Variants in GRID2IP observed in about 807,000 individuals in gnomAD.
GRID2IP encodes the protein Grid2 interacting protein, also known as delphilin.
In GRID2IP, 78 loss-of-function variants were observed where a neutral mutation model predicts 114.3. That is an observed-to-expected ratio of 0.68 (90% CI 0.57 to 0.82). GRID2IP has a LOEUF of 0.82. Among genes scored for constraint, GRID2IP ranks in the 40% least tolerant of loss-of-function variants. The probability of loss-of-function intolerance (pLI) is 0.00; values close to 1 mark genes in which losing one functional copy is unlikely to be tolerated. For missense variants in GRID2IP, 1,727 were observed against 1,678.5 expected (o/e 1.03, Z -0.51); for synonymous variants, 809 against 724.0 (o/e 1.12, Z -1.89).
chr7:6,525,618 A>G (rs1277862320), intron 4 of GRID2IP, among the ~76,000 whole-genome samples: 1 of 152,188 alleles, frequency 6.6e-6, no homozygotes, highest in African/African-American at 2.4e-5. Context: ...TGGGTGACAG[A>G]GCGAGACACT....
Position 6,504,834 on chromosome 7 carries a change from T to A in GRID2IP, c.2669A>T (p.Glu890Val), listed in dbSNP as rs895603526. 8 of 1,551,358 alleles carry A rather than the reference T, an allele frequency of 5.2e-6. No homozygotes were observed. The highest frequency in any genetic ancestry group is 7.0e-6 in the Non-Finnish European group (8 of 1,146,840). The change falls in exon 15 of 22, where the codon GAG becomes GTG. Residue 890 changes from glutamate to valine, a missense_variant. By Grantham distance (121) the Glu-to-Val change is moderately radical (BLOSUM62 -2). Transcript: ENST00000457091. ...VPGPEPFRKK[E>V]VVEILSHKKA... is the part of the protein sequence containing the mutation. ...CTTATGGGACAGGATCTCCACCACC[T>A]CCTTCTTCCGGAAGGGCTCCGGCCC... is the stretch of plus-strand genomic sequence containing the variant.
Position 6,521,510 on chromosome 7 carries a change from C to G in GRID2IP, c.1003G>C (p.Asp335His). ...CCCTGCAGCATGGACACCACCTTGT[C>G]GTGGGAGCAGTTCCTGCCAAGCAGA... is the stretch of plus-strand genomic sequence containing the variant. Reference protein sequence around the residue: ...NGLDMRNCSHDKVVSMLQGSG... With the variant: ...NGLDMRNCSHHKVVSMLQGSG... Residue 335 changes from aspartate (D) to histidine (H), a missense_variant, in exon 6 of 22, where the codon GAC (aspartate) becomes CAC (histidine). Asp to His is a moderately conservative substitution (Grantham distance 81). Coordinates refer to ENST00000457091, the MANE Select transcript of GRID2IP (RefSeq NM_001145118.2). The surrounding 1 kb of genome is among the most constrained non-coding windows in gnomAD (Gnocchi z 4.1). The G allele has an allele frequency of 6.5e-7, 1 of 1,547,550 alleles. No homozygotes were observed. The highest frequency in any genetic ancestry group is 8.7e-7 in the Non-Finnish European group (1 of 1,144,994).
chr7:6,515,592 A>G (rs572233086), intron 7 of GRID2IP, among the ~76,000 whole-genome samples: 2 of 151,908 alleles, frequency 1.3e-5, no homozygotes, highest in Non-Finnish European at 2.9e-5. Flanking sequence ...AGCTTAGCCA[A>G]CATGGTAAAC....
In GRID2IP at chr7:6,528,244, G is replaced by GT. The variant is rs1205162774; in HGVS notation, c.585-1476dup. Among the ~76,000 whole-genome samples, 5 of 152,270 alleles carry GT rather than the reference G, an allele frequency of 3.3e-5. No homozygotes were observed. The highest frequency in any genetic ancestry group is 1.3e-4 in the Admixed American group (2 of 15,290). On this transcript the variant is annotated intron_variant, in intron 2 of 21. Transcript: ENST00000457091. The surrounding 1 kb of genome is among the most constrained non-coding windows in gnomAD (Gnocchi z 6.0). ...GTCTATAGTTCAATCCTGAGCCACA[G>GT]TGACTAGCCAGGGCTCAGCACATAG...
At chr7:6,505,745 TG>T in intron 14 of GRID2IP, 74 bp downstream of exon 14, 1 of 914,100 alleles carries the variant, frequency 1.1e-6, no homozygotes, top group Non-Finnish European at 1.8e-6. Flanking sequence ...AGTGCAGCCC[TG>T]GGAGATGCTA....
chr7:6,520,739 G>A lies in GRID2IP; in HGVS notation c.1107C>T (p.Pro369=), dbSNP rs1779396332. 1 of 1,551,318 alleles carries A rather than the reference G, an allele frequency of 6.4e-7. No individual in the cohort carries two copies. Among genetic ancestry groups the A allele is most frequent in the African/African-American group, 1.4e-5 (1 of 73,052 alleles). ...FASDSDSLDS[P]NPSSALTSLQ... is the part of the protein sequence containing the mutation. Reference sequence around the variant, plus strand: ...GGGAGGTGAGCGCCGACGACGGGTTGGGTGAGTCCAGAGAATCGGAGTCTG... The same window carrying A: ...GGGAGGTGAGCGCCGACGACGGGTTAGGTGAGTCCAGAGAATCGGAGTCTG... Residue 369 remains proline (P), a synonymous_variant, in exon 7 of 22, where the codon CCC becomes CCT. Transcript: ENST00000457091. This position sits in a 1 kb window ranked among gnomAD's most constrained non-coding sequence, Gnocchi z 4.6.
chr7:6,505,045 G>A (rs920551092), intron 14 of GRID2IP, among the ~76,000 whole-genome samples, 175 bp from the exon 15 acceptor site: 14 of 152,158 alleles, frequency 9.2e-5, no homozygotes, highest in African/African-American at 3.4e-4. Context: ...CAGGTCCTGT[G>A]TGTAACCTCC....
chr7:6,520,912 G>A lies in GRID2IP; in HGVS notation c.1085-151C>T, dbSNP rs1003563224. Among the ~76,000 whole-genome samples the A allele has an allele frequency of 3.3e-5, 5 of 152,312 alleles. No homozygotes were observed. Among genetic ancestry groups the A allele is most frequent in the Non-Finnish European group, 2.9e-5 (2 of 68,024 alleles). On this transcript the variant is annotated intron_variant, in intron 6 of 21. Transcript: ENST00000457091. The surrounding 1 kb of genome is among the most constrained non-coding windows in gnomAD (Gnocchi z 4.6). ...GAAGGCATGCCTGTGGCCCGACACC[G>A]GGGCCAAGGATAGAGGGAGTCAGCC...
chr7:6,497,975 C>T, intron 21 of GRID2IP, 89 bp downstream of exon 21: 15 of 1,438,560 alleles, frequency 1.0e-5, no homozygotes, highest in Non-Finnish European at 1.4e-5. Flanking sequence ...GAGCCCCTTT[C>T]CCAGCCCTGG....
chr7:6,541,631 CA>C (rs758741528), intron 1 of GRID2IP, among the ~76,000 whole-genome samples: 2 of 152,058 alleles, frequency 1.3e-5, no homozygotes, highest in Non-Finnish European at 2.9e-5. Flanking sequence ...AAGGAGCATG[CA>C]AATAGACATG....
rs1055940564 is a variant in GRID2IP at position 6,516,349 on chromosome 7, T to C, written c.1269-1820A>G. 1.3e-5 allele frequency among the ~76,000 whole-genome samples: 2 copies of C among 152,146 alleles called. No homozygotes were observed. The highest frequency in any genetic ancestry group is 2.4e-5 in the African/African-American group (1 of 41,424). ...ATGAATATTATTAATAATTAGTTTG[T>C]AGCATTACTGTTTATTCCAATATTA... On this transcript the variant is annotated intron_variant, in intron 7 of 21. Transcript: ENST00000457091. This position sits in a 1 kb window ranked among gnomAD's most constrained non-coding sequence, Gnocchi z 4.3.
In GRID2IP at chr7:6,551,243, A is replaced by T. The variant is rs1377005326; in HGVS notation, c.194T>A (p.Leu65His). The change falls in exon 1 of 22, where the codon CTC (leucine) becomes CAC (histidine). Residue 65 changes from leucine to histidine, a missense_variant. Coordinates refer to ENST00000457091, the MANE Select transcript of GRID2IP (RefSeq NM_001145118.2). ...LAVGGLSRER[L>H]VRLARRCPRV... Reference sequence around the variant, plus strand: ...TGGGCAGCGCCGTGCCAGGCGCACGAGGCGCTCGCGGCTCAGACCGCCCAC... The same window carrying T: ...TGGGCAGCGCCGTGCCAGGCGCACGTGGCGCTCGCGGCTCAGACCGCCCAC... The T allele has an allele frequency of 2.0e-6, 3 of 1,531,306 alleles. No homozygotes were observed. The highest frequency in any genetic ancestry group is 2.6e-6 in the Non-Finnish European group (3 of 1,144,348). 94.9% of individuals were successfully genotyped at this position (1,531,306 alleles called of 1,614,324 possible). A position where few individuals can be genotyped will look rare whatever the true frequency, so the allele number is the denominator to read the frequency against.
rs1786600434 is a variant in GRID2IP, at chr7:6,506,679, GTATTT to G, written c.2545-777_2545-773del. 7.9e-6 allele frequency among the ~76,000 whole-genome samples: 1 copy of G among 127,294 alleles called. No homozygotes were observed. The highest frequency in any genetic ancestry group is 1.7e-5 in the Non-Finnish European group (1 of 59,154). The allele number at this position is 127,294 out of a possible 152,430, so 83.5% of individuals were successfully genotyped here. ...TTATTTGTGCCCTTGTCTCACTGAG[GTATTT>G]TTTTTTTTTTTTTTTTAGATAGGGT... On this transcript the variant is annotated intron_variant, in intron 13 of 21. Coordinates refer to ENST00000457091, the MANE Select transcript of GRID2IP (RefSeq NM_001145118.2). This position sits in a 1 kb window ranked among gnomAD's most constrained non-coding sequence, Gnocchi z 5.2.
At chr7:6,504,413 G>C (rs1052450546) in intron 15 of GRID2IP, among the ~76,000 whole-genome samples, 1 of 151,982 alleles carries the variant, frequency 6.6e-6, no homozygotes, top group Non-Finnish European at 1.5e-5. Flanking sequence ...GGGCAGGGGC[G>C]GGCCCTGAAA....
Position 6,520,638 on chromosome 7 carries a change from A to G in GRID2IP, c.1208T>C (p.Leu403Pro), listed in dbSNP as rs1369556943. Residue 403 changes from leucine (L) to proline (P), a missense_variant, in exon 7 of 22, where the codon CTA (leucine) becomes CCA (proline). Leu to Pro is a moderately conservative substitution (Grantham distance 98). Coordinates refer to ENST00000457091, the MANE Select transcript of GRID2IP (RefSeq NM_001145118.2). The surrounding 1 kb of genome is among the most constrained non-coding windows in gnomAD (Gnocchi z 4.6). ...CCCATAGCGCTCAGGAGGTGTGAGT[A>G]GGTGCTCCAGCTGCTGGCTGAAGGT... ...GRTFSQQLEH[L>P]LTPPERYGVC... 6.4e-7 allele frequency: 1 copy of G among 1,551,712 alleles called. No homozygotes were observed. Among genetic ancestry groups the G allele is most frequent in the East Asian group, 2.4e-5 (1 of 40,920 alleles).
intron 1 of GRID2IP, among the ~76,000 whole-genome samples, chr7:6,543,958 G>T (rs1436694425): frequency 6.6e-6 from 1 of 151,774 alleles, no homozygotes; most frequent in South Asian, 2.1e-4. Context: ...CACCACGCCC[G>T]GCTCATTTTG....
At chr7:6,545,828 C>G (rs1455865406) in intron 1 of GRID2IP, among the ~76,000 whole-genome samples, 1 of 152,162 alleles carries the variant, frequency 6.6e-6, no homozygotes, top group African/African-American at 2.4e-5. Context: ...GTGGGCCAGG[C>G]TGGCAGCACC....
rs994387676 is a variant in GRID2IP, at chr7:6,520,620, C to T, written c.1226G>A (p.Arg409His). The change falls in exon 7 of 22, where the codon CGC becomes CAC. Residue 409 changes from arginine to histidine, a missense_variant. Coordinates refer to ENST00000457091, the MANE Select transcript of GRID2IP (RefSeq NM_001145118.2). The surrounding 1 kb of genome is among the most constrained non-coding windows in gnomAD (Gnocchi z 4.6). ...CTCGAGGGCCCGGCAGACCCCATAG[C>T]GCTCAGGAGGTGTGAGTAGGTGCTC... ...QLEHLLTPPE[R>H]YGVCRALESF... 10 of 1,551,580 alleles carry T rather than the reference C, an allele frequency of 6.4e-6. No individual in the cohort carries two copies. The African/African-American group carries it at 6.8e-5, about 11-fold the overall frequency.
chr7:6,550,974 C>CCT, intron 1 of GRID2IP, 34 bp downstream of exon 1: 7 of 1,139,126 alleles, frequency 6.1e-6, no homozygotes, highest in African/African-American at 1.6e-5. Flanking sequence ...GAGCCCCCTC[C>CCT]TTCCCGCCCC....
Sources: gnomAD v4.1 joint callset for allele counts (sites outside exome capture counted in the v4.1 genomes callset) on GRCh38, gnomAD v4.1.1 for gene constraint, Gnocchi (gnomAD v3.1) non-coding constraint, MANE v1.5 for transcripts, NCBI Gene and HGNC (gene_info 2026-07-23, HGNC 2026-07-21) for gene names.